The following LRP1B variants were observed in gnomAD, a reference collection of about 807,000 sequenced individuals.
LRP1B encodes the protein LDL receptor related protein 1B.
In LRP1B, 217 loss-of-function variants were observed where a neutral mutation model predicts 556.6. That is an observed-to-expected ratio of 0.39 (90% CI 0.35 to 0.44). The LOEUF (loss-of-function observed/expected upper bound fraction) is 0.44. Among genes scored for constraint, LRP1B ranks in the 20% least tolerant of loss-of-function variants. The pLI is 1.00. For missense variants in LRP1B, 5,053 were observed against 5,620.8 expected (o/e 0.90, Z 3.23); for synonymous variants, 2,047 against 1,865.8 (o/e 1.10, Z -2.50).
chr2:141,118,995 A>T (rs56341342), intron 7 of LRP1B, among the ~76,000 whole-genome samples: 2,627 of 152,030 alleles, frequency 0.017, 35 homozygotes, highest in Middle Eastern at 0.037. Context: ...GATAGCTAAG[A>T]TTTCCATATT....
intron 1 of LRP1B, among the ~76,000 whole-genome samples, chr2:142,080,472 C>T (rs1337829855): frequency 1.3e-5 from 2 of 151,984 alleles, no homozygotes; most frequent in Admixed American, 1.3e-4. Flanking sequence ...TAAATAATCA[C>T]TTTGTTACCA....
intron 23 of LRP1B, among the ~76,000 whole-genome samples, chr2:140,901,713 C>A (rs1694110491): frequency 6.6e-6 from 1 of 151,992 alleles, no homozygotes; most frequent in Non-Finnish European, 1.5e-5. Context: ...GATGAGAAAA[C>A]ATATTGAAGT....
intron 2 of LRP1B, among the ~76,000 whole-genome samples, chr2:141,763,619 A>C (rs2105599807): frequency 6.6e-6 from 1 of 152,284 alleles, no homozygotes; most frequent in Non-Finnish European, 1.5e-5. Context: ...GCCAGGTTTC[A>C]GTATGGTGTA....
At chr2:142,114,961 A>T (rs1707131288) in intron 1 of LRP1B, among the ~76,000 whole-genome samples, 1 of 152,146 alleles carries the variant, frequency 6.6e-6, no homozygotes, top group South Asian at 2.1e-4. Context: ...ACCCAGTTTC[A>T]ATCATTACAC....
At chr2:140,700,750 T>C in intron 40 of LRP1B, 129 bp from the exon 41 acceptor site, 1 of 962,186 alleles carries the variant, frequency 1.0e-6, no homozygotes, top group African/African-American at 1.8e-5. Flanking sequence ...AATTTTAAGC[T>C]GGTCAATAAA....
chr2:141,938,240 C>G (rs1000119011), intron 1 of LRP1B, among the ~76,000 whole-genome samples: 1 of 152,234 alleles, frequency 6.6e-6, no homozygotes, highest in East Asian at 1.9e-4. Flanking sequence ...ATACAAGGAA[C>G]TCACACACTC....
At chr2:140,346,345 A>T (rs1681684141) in intron 77 of LRP1B, among the ~76,000 whole-genome samples, 1 of 151,846 alleles carries the variant, frequency 6.6e-6, no homozygotes, top group South Asian at 2.1e-4. Flanking sequence ...AATCCATTAT[A>T]GCAAAGTGTC....
intron 3 of LRP1B, among the ~76,000 whole-genome samples, chr2:141,389,275 C>T (rs1047205396): frequency 2.6e-5 from 4 of 152,052 alleles, no homozygotes; most frequent in Non-Finnish European, 4.4e-5. Flanking sequence ...TAATGGCATA[C>T]ATGTAGATCA....
chr2:140,528,699 T>C (rs1690548530), intron 47 of LRP1B, among the ~76,000 whole-genome samples: 1 of 151,858 alleles, frequency 6.6e-6, no homozygotes, highest in African/African-American at 2.4e-5. Flanking sequence ...TGCAGAGTTT[T>C]GTAAGCAGTA....
chr2:141,604,853 A>G (rs548397456), intron 2 of LRP1B, among the ~76,000 whole-genome samples: 4 of 152,000 alleles, frequency 2.6e-5, no homozygotes, highest in South Asian at 2.1e-4. Flanking sequence ...TCAGCCTTCA[A>G]TTGTCAGCCT....
At chr2:141,796,287 G>A (rs533714354) in intron 2 of LRP1B, among the ~76,000 whole-genome samples, 9 of 151,980 alleles carry the variant, frequency 5.9e-5, no homozygotes, top group South Asian at 2.1e-4. Flanking sequence ...TCCAATCGGA[G>A]TGCAGAAATT....
intron 2 of LRP1B, among the ~76,000 whole-genome samples, chr2:141,757,431 T>C (rs1263214721): frequency 7.2e-5 from 11 of 152,178 alleles, no homozygotes; most frequent in Non-Finnish European, 1.3e-4. Context: ...CTTAGAAGAA[T>C]TATATGCACA....
In LRP1B at chr2:141,573,345, C is replaced by T. The variant is rs186087055; in HGVS notation, c.206-92812G>A. Reference sequence around the variant, plus strand: ...TGAACAACCTGCTCCTGAATGACTCCTGGGTAAATAATGAAATTAAGGCAA... The same window carrying T: ...TGAACAACCTGCTCCTGAATGACTCTTGGGTAAATAATGAAATTAAGGCAA... On this transcript the variant is annotated intron_variant, in intron 2 of 90. Coordinates refer to ENST00000389484, the MANE Select transcript of LRP1B (RefSeq NM_018557.3). Among the ~76,000 whole-genome samples the T allele has an allele frequency of 1.9e-3, 284 of 152,208 alleles. 1 individual carries two copies. The highest frequency in any genetic ancestry group is 6.8e-3 in the Middle Eastern group (2 of 294).
chr2:141,430,738 A>G (rs2104983279), intron 3 of LRP1B, among the ~76,000 whole-genome samples: 1 of 152,300 alleles, frequency 6.6e-6, no homozygotes, highest in East Asian at 1.9e-4. Context: ...CTATTCCCTA[A>G]AAAGCCCTTG....
rs2105304500 is a variant in LRP1B at position 140,444,466 on chromosome 2, G to A, written c.10175-17C>T. On this transcript the variant is annotated splice_polypyrimidine_tract_variant and intron_variant, in intron 64 of 90. Coordinates refer to ENST00000389484, the MANE Select transcript of LRP1B (RefSeq NM_018557.3). ...CATGTGTGTCTAGAACATAGAAGGAGAGAGAGAGAGAAAATTTGTGTCTGA... is the reference window on the plus strand; with the variant it reads ...CATGTGTGTCTAGAACATAGAAGGAAAGAGAGAGAGAAAATTTGTGTCTGA... 1.9e-6 allele frequency: 3 copies of A among 1,613,502 alleles called. No homozygotes were observed. The highest frequency in any genetic ancestry group is 1.1e-5 in the South Asian group (1 of 91,058).
At chr2:140,314,415 A>G (rs1684431320) in intron 83 of LRP1B, among the ~76,000 whole-genome samples, 1 of 152,088 alleles carries the variant, frequency 6.6e-6, no homozygotes. Flanking sequence ...TCTCAAATAT[A>G]TCCTAAGATG....
intron 3 of LRP1B, among the ~76,000 whole-genome samples, chr2:141,343,607 A>G (rs1431708621): frequency 6.6e-6 from 1 of 152,164 alleles, no homozygotes; most frequent in East Asian, 1.9e-4. Context: ...ACAGCATTTC[A>G]GGCTAGATCT....
chr2:141,046,442 T>C (rs1362019827), intron 11 of LRP1B, among the ~76,000 whole-genome samples: 1 of 152,158 alleles, frequency 6.6e-6, no homozygotes, highest in Non-Finnish European at 1.5e-5. Flanking sequence ...GTAATGTGTA[T>C]CATTATTCTC....
chr2:140,303,372 T>C (rs13034613), intron 83 of LRP1B, among the ~76,000 whole-genome samples: 50,177 of 151,640 alleles, frequency 0.33, 9,053 homozygotes, highest in Non-Finnish European at 0.42. Context: ...CTCAGCCTCC[T>C]GAGTAGCTGG....
Sources: allele counts gnomAD v4.1 joint callset (sites outside exome capture counted in the v4.1 genomes callset), GRCh38; gene constraint gnomAD v4.1.1; transcripts MANE v1.5; gene names NCBI Gene and HGNC (gene_info 2026-07-23, HGNC 2026-07-21).